Variants in TACR1 observed in about 807,000 individuals in gnomAD.
TACR1 encodes the protein substance-P receptor.
In TACR1, 25 loss-of-function variants were observed where a neutral mutation model predicts 35.8. That is an observed-to-expected ratio of 0.70 (90% CI 0.51 to 0.98). The LOEUF (loss-of-function observed/expected upper bound fraction) is 0.98, where lower values mean the gene tolerates loss of function less well. Ranked by LOEUF, TACR1 falls within the 50% of genes least tolerant of loss-of-function variation. The probability of loss-of-function intolerance (pLI) is 0.00; values close to 1 mark genes in which losing one functional copy is unlikely to be tolerated. For synonymous variants in TACR1, 195 were observed against 206.7 expected, an observed-to-expected ratio of 0.94 and a Z score of 0.48; for missense variants, 478 against 522.9, an observed-to-expected ratio of 0.91 and a Z score of 0.84.
chr2:75,091,017 T>G (rs1223295465), intron 2 of TACR1: 1 of 152,004 alleles, frequency 6.6e-6, no homozygotes. Flanking sequence ...GCAGCCACTC[T>G]CTGTCCATTA....
chr2:75,096,321 A>G (rs1030923612), intron 2 of TACR1, among the ~76,000 whole-genome samples: 1 of 152,216 alleles, frequency 6.6e-6, no homozygotes, highest in African/African-American at 2.4e-5. Context: ...AACATCAGCC[A>G]GTCCCAGTGG....
At chr2:75,076,639 G>A (rs1672985240) in intron 2 of TACR1, among the ~76,000 whole-genome samples, 1 of 152,156 alleles carries the variant, frequency 6.6e-6, no homozygotes, top group African/African-American at 2.4e-5. Context: ...GATGAACTGG[G>A]AAATGCTAGT....
intron 2 of TACR1, among the ~76,000 whole-genome samples, chr2:75,102,086 C>G (rs1415007936): frequency 6.6e-6 from 1 of 152,212 alleles, no homozygotes; most frequent in African/African-American, 2.4e-5. Context: ...TCTTTTCCTG[C>G]TTTTGAACTC....
At chr2:75,086,615 A>G (rs946882792) in intron 2 of TACR1, among the ~76,000 whole-genome samples, 1 of 152,190 alleles carries the variant, frequency 6.6e-6, no homozygotes, top group Non-Finnish European at 1.5e-5. Context: ...ATGCTATTTC[A>G]ATGGTCCATA....
chr2:75,137,199 A>T (rs1188161386), intron 1 of TACR1, among the ~76,000 whole-genome samples: 1 of 152,222 alleles, frequency 6.6e-6, no homozygotes, highest in Non-Finnish European at 1.5e-5. Context: ...CACTAGACAC[A>T]TGACAGATTT....
At chr2:75,134,276 G>T (rs184332289) in intron 1 of TACR1, among the ~76,000 whole-genome samples, 4 of 152,242 alleles carry the variant, frequency 2.6e-5, no homozygotes, top group African/African-American at 9.6e-5. Flanking sequence ...CTCTCTTGGG[G>T]CCTGGATCGG....
chr2:75,094,027 G>T (rs999665309), intron 2 of TACR1, among the ~76,000 whole-genome samples: 1 of 152,108 alleles, frequency 6.6e-6, no homozygotes. Context: ...GAACAGTTTA[G>T]TGCTCTTACC....
At chr2:75,136,872 C>T (rs1487234586) in intron 1 of TACR1, among the ~76,000 whole-genome samples, 1 of 152,206 alleles carries the variant, frequency 6.6e-6, no homozygotes, top group Non-Finnish European at 1.5e-5. Flanking sequence ...AGGAAGATCA[C>T]AGACAGCTGG....
chr2:75,196,999 T>C (rs772571100), intron 1 of TACR1, among the ~76,000 whole-genome samples: 1 of 152,218 alleles, frequency 6.6e-6, no homozygotes, highest in Non-Finnish European at 1.5e-5. Flanking sequence ...TAAAGGAGCA[T>C]GTCAATGCAG....
At chr2:75,106,078 A>C (rs1413841948) in intron 2 of TACR1, among the ~76,000 whole-genome samples, 2 of 152,060 alleles carry the variant, frequency 1.3e-5, no homozygotes. Context: ...TCAGACATAA[A>C]TACTAAGAAA....
intron 1 of TACR1, among the ~76,000 whole-genome samples, chr2:75,181,344 G>GA (rs931468776): frequency 1.4e-5 from 2 of 146,980 alleles, no homozygotes; most frequent in Admixed American, 6.7e-5. Flanking sequence ...AATTTAAAAA[G>GA]AAAAAAAAGG....
chr2:75,197,129 C>G lies in TACR1; in HGVS notation c.389+1417G>C, dbSNP rs60296384. Reference sequence around the variant, plus strand: ...CCACTTTGAGTAATTGGTTTACCATCTACATTTAAAATACAAACTGATTTT... The same window carrying G: ...CCACTTTGAGTAATTGGTTTACCATGTACATTTAAAATACAAACTGATTTT... On this transcript the variant is annotated intron_variant, in intron 1 of 4. Coordinates refer to ENST00000305249, the MANE Select transcript of TACR1 (RefSeq NM_001058.4). 2.8e-3 allele frequency among the ~76,000 whole-genome samples: 431 copies of G among 152,300 alleles called. 3 individuals carry two copies. The highest frequency in any genetic ancestry group is 9.9e-3 in the African/African-American group (411 of 41,570).
Position 75,049,263 on chromosome 2 carries a change from T to A in TACR1, c.*169A>T. 2.8e-6 allele frequency: 2 copies of A among 714,200 alleles called. No homozygotes were observed. Among genetic ancestry groups the A allele is most frequent in the South Asian group, 2.0e-5 (1 of 49,844 alleles). The allele number at this position is 714,200 out of a possible 1,614,324, so 44.2% of individuals were successfully genotyped here. A position where few individuals can be genotyped will look rare whatever the true frequency, so the allele number is the denominator to read the frequency against. ...TGAGGGTGGCAAAGATAGGGAAGAA[T>A]TGAGATTTTTTGACTCAAGGATGGA... On this transcript the variant is annotated 3_prime_UTR_variant, in exon 5 of 5. Coordinates refer to ENST00000305249, the MANE Select transcript of TACR1 (RefSeq NM_001058.4).
chr2:75,077,722 T>G (rs1673007685), intron 2 of TACR1, among the ~76,000 whole-genome samples: 1 of 152,210 alleles, frequency 6.6e-6, no homozygotes. Flanking sequence ...AGCCCTCCTG[T>G]CTTGTACTTC....
At chr2:75,196,335 A>G (rs1358494317) in intron 1 of TACR1, among the ~76,000 whole-genome samples, 1 of 152,160 alleles carries the variant, frequency 6.6e-6, no homozygotes, top group Non-Finnish European at 1.5e-5. Context: ...TAGTGTGCTC[A>G]CCAGGCTGAG....
chr2:75,192,329 G>A (rs1049799253), intron 1 of TACR1, among the ~76,000 whole-genome samples: 1 of 152,186 alleles, frequency 6.6e-6, no homozygotes, highest in South Asian at 2.1e-4. Context: ...TGGAAAGCCT[G>A]CTACGTGGAA....
intron 2 of TACR1, among the ~76,000 whole-genome samples, chr2:75,060,851 C>G (rs891486422): frequency 6.6e-6 from 1 of 151,884 alleles, no homozygotes; most frequent in Admixed American, 6.6e-5. Flanking sequence ...GGGAGAGATT[C>G]AGGAAGCACT....
intron 1 of TACR1, among the ~76,000 whole-genome samples, chr2:75,176,325 A>ATT (rs112948586): frequency 4.2e-5 from 6 of 141,666 alleles, no homozygotes; most frequent in South Asian, 4.6e-4. Flanking sequence ...GACATTATAC[A>ATT]TTTTTTTTTT....
intron 1 of TACR1, among the ~76,000 whole-genome samples, chr2:75,158,394 A>C (rs1674917360): frequency 6.6e-6 from 1 of 152,108 alleles, no homozygotes; most frequent in African/African-American, 2.4e-5. Flanking sequence ...AATAAGAGGG[A>C]TTATTATAAA....
Sources: gnomAD v4.1 joint callset for allele counts (sites outside exome capture counted in the v4.1 genomes callset) on GRCh38, gnomAD v4.1.1 for gene constraint, MANE v1.5 for transcripts, NCBI Gene and HGNC (gene_info 2026-07-23, HGNC 2026-07-21) for gene names.